The following USP35 variants were observed in gnomAD, a reference collection of about 807,000 sequenced individuals.
USP35 encodes ubiquitin carboxyl-terminal hydrolase 35.
In USP35, 69 loss-of-function variants were observed where a neutral mutation model predicts 83.8. That is an observed-to-expected ratio of 0.82 (90% CI 0.68 to 1.01). USP35 has a LOEUF of 1.01. USP35 is among the 50% of genes least tolerant of loss of function. The probability of loss-of-function intolerance (pLI) is 0.00; values close to 1 mark genes in which losing one functional copy is unlikely to be tolerated. For synonymous variants in USP35, 714 were observed against 589.5 expected (o/e 1.21, Z -3.06); for missense variants, 1,503 against 1,362.5 (o/e 1.10, Z -1.62).
At position 78,213,675 on chromosome 11, in the gene USP35, G is replaced by A. The variant is rs77997049; in HGVS notation, c.2919G>A (p.Ala973=). The change falls in exon 11 of 11, where the codon GCG becomes GCA. Residue 973 remains alanine, a synonymous_variant. Coordinates refer to ENST00000529308, the MANE Select transcript of USP35 (RefSeq NM_020798.4). ...AGGAGAAGGAGGCCCGGAGCAGGGC[G>A]GCCTACATCTCTGCACTCCCCACAT... ...QEQEKEARSR[A]AYISALPTSP... is the part of the protein sequence containing the mutation. 390 of 1,506,860 alleles carry A rather than the reference G, an allele frequency of 2.6e-4. 1 individual carries two copies. The East Asian group carries it at 4.2e-3, about 16-fold the overall frequency. 93.3% of individuals were successfully genotyped at this position (1,506,860 alleles called of 1,614,324 possible).
the USP35 span, among the ~76,000 whole-genome samples, chr11:78,220,857 G>T: frequency 6.6e-6 from 1 of 152,202 alleles, no homozygotes; most frequent in African/African-American, 2.4e-5. Flanking sequence ...TGGCGCTTAA[G>T]AAAGGAGCAC....
Position 78,189,173 on chromosome 11 carries a change from G to A in USP35, c.-11+16G>A, listed in dbSNP as rs1862923862. 1 of 161,710 alleles carries A rather than the reference G, an allele frequency of 6.2e-6. No homozygotes were observed. The highest frequency in any genetic ancestry group is 1.3e-5 in the Non-Finnish European group (1 of 76,740). The allele number at this position is 161,710 out of a possible 1,614,324, so 10.0% of individuals were successfully genotyped here. A position where few individuals can be genotyped will look rare whatever the true frequency, so the allele number is the denominator to read the frequency against. ...GGTCCGGGAGGTAAGGGGGTTGGGG[G>A]CGTGTGACTGTCTTTGGGGGGCGGT... On this transcript the variant is annotated intron_variant, in intron 1 of 10. Coordinates refer to ENST00000529308, the MANE Select transcript of USP35 (RefSeq NM_020798.4).
intron 6 of USP35, among the ~76,000 whole-genome samples, chr11:78,203,914 G>T (rs1255375223): frequency 2.0e-5 from 2 of 101,622 alleles, no homozygotes. Flanking sequence ...TTTTTGAGAC[G>T]GAGTCTCGCT....
At chr11:78,224,824 C>G in the USP35 span, among the ~76,000 whole-genome samples, 1 of 152,062 alleles carries the variant, frequency 6.6e-6, no homozygotes, top group Non-Finnish European at 1.5e-5. Context: ...GTTCCCCCAC[C>G]GTGCAGCCTG....
chr11:78,223,897 A>G, the USP35 span, among the ~76,000 whole-genome samples: 1 of 152,090 alleles, frequency 6.6e-6, no homozygotes, highest in Non-Finnish European at 1.5e-5. Flanking sequence ...CTTGGCCAAC[A>G]TGGCAAAACC....
chr11:78,207,045 CAG>C (rs1491262116), intron 7 of USP35, among the ~76,000 whole-genome samples: 1 of 152,226 alleles, frequency 6.6e-6, no homozygotes, highest in East Asian at 1.9e-4. Context: ...AGGGCCCTGA[CAG>C]GGGCTGTAGG....
intron 10 of USP35, 82 bp downstream of exon 10, chr11:78,210,826 C>T: frequency 4.3e-6 from 6 of 1,381,512 alleles, no homozygotes; most frequent in South Asian, 1.5e-5. Context: ...AAGTCATTTC[C>T]CCTCTAAGTC....
chr11:78,198,969 A>AC (rs1448180400), intron 3 of USP35: 1 of 153,614 alleles, frequency 6.5e-6, no homozygotes, highest in Non-Finnish European at 1.4e-5. Flanking sequence ...TTTTTCTAGC[A>AC]CAGTCTGCTG....
rs112176680 is a variant in USP35, at chr11:78,201,915, G to T, written c.1197+1107G>T. 5.5e-4 allele frequency among the ~76,000 whole-genome samples: 83 copies of T among 152,226 alleles called. No homozygotes were observed. The Middle Eastern group carries it at 0.01, about 19-fold the overall frequency. ...GGTAGGTGGCCCTTGCAGAACCTTT[G>T]ATCTGACTTTTACATCTGCAGCACA... On this transcript the variant is annotated intron_variant, in intron 6 of 10. Transcript: ENST00000529308.
chr11:78,195,575 ACT>A (rs1426851576), intron 1 of USP35, among the ~76,000 whole-genome samples: 1 of 151,978 alleles, frequency 6.6e-6, no homozygotes, highest in Non-Finnish European at 1.5e-5. Context: ...CTTGGCTGAG[ACT>A]CTGGACAGCA....
chr11:78,233,611 C>CTT, the USP35 span, among the ~76,000 whole-genome samples: 7 of 151,350 alleles, frequency 4.6e-5, no homozygotes, highest in African/African-American at 1.7e-4. Flanking sequence ...TGTGATTTGT[C>CTT]TTTTTTTTTG....
At chr11:78,224,145 C>T in the USP35 span, among the ~76,000 whole-genome samples, 1 of 151,980 alleles carries the variant, frequency 6.6e-6, no homozygotes, top group Non-Finnish European at 1.5e-5. Context: ...GTCTGTGGGC[C>T]CCTTCAAGCC....
At chr11:78,221,121 G>A in the USP35 span, among the ~76,000 whole-genome samples, 3 of 152,204 alleles carry the variant, frequency 2.0e-5, no homozygotes, top group Admixed American at 1.3e-4. Context: ...CTTTCTGGAA[G>A]TCTTATTCTA....
rs3841466 is a variant in USP35 at position 78,214,497 on chromosome 11, T to TGGATTTGTGGTTAGAGTCCTG, written c.*685_*686insGATTTGTGGTTAGAGTCCTGG. On this transcript the variant is annotated 3_prime_UTR_variant, in exon 11 of 11. Coordinates refer to ENST00000529308, the MANE Select transcript of USP35 (RefSeq NM_020798.4). ...TGTATCCCCCTTGTGGTTAGAGTCC[T>TGGATTTGTGGTTAGAGTCCTG]GATTTTACTGCAAAGGTGTTCATGT... is the stretch of plus-strand genomic sequence containing the variant. The TGGATTTGTGGTTAGAGTCCTG allele has an allele frequency of 6.6e-6, 1 of 151,854 alleles. No homozygotes were observed. The highest frequency in any genetic ancestry group is 1.9e-4 in the East Asian group (1 of 5,162). The allele number at this position is 151,854 out of a possible 1,614,324, so 9.4% of individuals were successfully genotyped here. A position where few individuals can be genotyped will look rare whatever the true frequency, so the allele number is the denominator to read the frequency against.
At chr11:78,227,733 G>A in the USP35 span, among the ~76,000 whole-genome samples, 3 of 151,252 alleles carry the variant, frequency 2.0e-5, no homozygotes, top group South Asian at 2.1e-4. Context: ...CCAGAAGTTC[G>A]AAGTTAGAGT....
chr11:78,225,154 G>A, the USP35 span: 1 of 1,613,612 alleles, frequency 6.2e-7, no homozygotes, highest in Non-Finnish European at 8.5e-7. Context: ...AGACCGGCCT[G>A]CACTCTCTCC....
At chr11:78,223,942 C>T in the USP35 span, among the ~76,000 whole-genome samples, 1 of 151,984 alleles carries the variant, frequency 6.6e-6, no homozygotes, top group African/African-American at 2.4e-5. Flanking sequence ...ATTAGCTGGG[C>T]GTGGTGGCAT....
intron 1 of USP35, among the ~76,000 whole-genome samples, chr11:78,190,303 C>G (rs1167256254): frequency 1.3e-5 from 2 of 152,090 alleles, no homozygotes; most frequent in Non-Finnish European, 2.9e-5. Context: ...TGAACAATTT[C>G]TAGAATGGCT....
intron 1 of USP35, among the ~76,000 whole-genome samples, chr11:78,191,946 C>A (rs1301327308): frequency 2.0e-5 from 3 of 151,704 alleles, no homozygotes; most frequent in African/African-American, 7.3e-5. Context: ...TGGGTTCACG[C>A]CATTCTCCTG....
Sources: gnomAD v4.1 joint callset for allele counts (sites outside exome capture counted in the v4.1 genomes callset) on GRCh38, gnomAD v4.1.1 for gene constraint, MANE v1.5 for transcripts, NCBI Gene and HGNC (gene_info 2026-07-23, HGNC 2026-07-21) for gene names.